Variants in MTUS2 observed in about 807,000 individuals in gnomAD.
MTUS2 encodes the protein microtubule associated scaffold protein 2.
Under a neutral mutation model 114.1 loss-of-function variants are expected in MTUS2, and 40 were observed. That is an observed-to-expected ratio of 0.35 (90% CI 0.27 to 0.46). The LOEUF (loss-of-function observed/expected upper bound fraction) is 0.46, where lower values mean the gene tolerates loss of function less well. Ranked by LOEUF, MTUS2 falls within the 20% of genes least tolerant of loss-of-function variation. MTUS2 has a pLI of 1.00. For synonymous variants in MTUS2, 688 were observed against 672.0 expected (o/e 1.02, Z -0.37); for missense variants, 1,679 against 1,705.4 (o/e 0.98, Z 0.27).
intron 2 of MTUS2, among the ~76,000 whole-genome samples, chr13:28,887,374 C>A (rs1406604308): frequency 6.6e-6 from 1 of 152,152 alleles, no homozygotes; most frequent in Non-Finnish European, 1.5e-5. Flanking sequence ...TGTCTCTGAC[C>A]ACAGCTGCCC....
chr13:29,130,882 C>G (rs140559228), intron 5 of MTUS2, among the ~76,000 whole-genome samples: 168 of 152,302 alleles, frequency 1.1e-3, no homozygotes, highest in Middle Eastern at 3.4e-3. Context: ...CCTCAGCCCC[C>G]CAAAGTACTG....
intron 2 of MTUS2, among the ~76,000 whole-genome samples, chr13:28,934,496 AT>A (rs1431919212): frequency 6.6e-6 from 1 of 152,098 alleles, no homozygotes; most frequent in Non-Finnish European, 1.5e-5. Flanking sequence ...TCAGAATGAT[AT>A]GCTTTTTTAA....
intron 5 of MTUS2, among the ~76,000 whole-genome samples, chr13:29,228,853 T>C (rs533101591): frequency 6.6e-6 from 1 of 152,276 alleles, no homozygotes; most frequent in Admixed American, 6.5e-5. Flanking sequence ...TCTTGTAAAA[T>C]TGAAAAAATG....
intron 6 of MTUS2, chr13:29,307,297 C>T (rs1286659175): frequency 3.0e-6 from 2 of 667,172 alleles, no homozygotes; most frequent in African/African-American, 1.8e-5. Flanking sequence ...CATGGAAGGA[C>T]TCATGACCAC....
chr13:29,473,427 A>C (rs78416006), intron 9 of MTUS2, among the ~76,000 whole-genome samples: 1 of 152,058 alleles, frequency 6.6e-6, no homozygotes, highest in South Asian at 2.1e-4. Context: ...GTGTTCTCCT[A>C]CTCAATTTAT....
At chr13:28,915,209 T>C (rs1248099969) in intron 2 of MTUS2, among the ~76,000 whole-genome samples, 4 of 151,972 alleles carry the variant, frequency 2.6e-5, no homozygotes, top group African/African-American at 9.6e-5. Context: ...GATGGACACT[T>C]AGGTTACTTC....
chr13:29,051,860 A>G (rs1041145774), intron 4 of MTUS2, among the ~76,000 whole-genome samples: 2 of 152,220 alleles, frequency 1.3e-5, no homozygotes, highest in African/African-American at 4.8e-5. Context: ...CTTATGAAAT[A>G]TAAGGGGCAA....
intron 9 of MTUS2, among the ~76,000 whole-genome samples, chr13:29,472,602 GA>G (rs1566221070): frequency 6.6e-6 from 1 of 152,150 alleles, no homozygotes; most frequent in Non-Finnish European, 1.5e-5. Context: ...CACCAAAAAA[GA>G]AAAACTACAC....
chr13:29,137,783 ATTTTTTTT>A (rs11288473), intron 5 of MTUS2, among the ~76,000 whole-genome samples: 1 of 144,522 alleles, frequency 6.9e-6, no homozygotes. Context: ...TGCCTGGTTA[ATTTTTTTT>A]TTTTTTTTGT....
At chr13:29,477,443 G>A (rs897045460) in intron 9 of MTUS2, among the ~76,000 whole-genome samples, 1 of 152,090 alleles carries the variant, frequency 6.6e-6, no homozygotes, top group African/African-American at 2.4e-5. Context: ...AAGTAAGCTG[G>A]GGTCACAGAA....
chr13:29,191,059 C>T (rs1220560870), intron 5 of MTUS2, among the ~76,000 whole-genome samples: 4 of 151,966 alleles, frequency 2.6e-5, no homozygotes, highest in African/African-American at 9.7e-5. Flanking sequence ...TGAGGGAAGC[C>T]CAGGAGGTTT....
At chr13:29,309,643 CAT>C (rs59419795) in intron 6 of MTUS2, among the ~76,000 whole-genome samples, 15,434 of 152,122 alleles carry the variant, frequency 0.1, 1,102 homozygotes, top group African/African-American at 0.2. Context: ...TAGATTTCAA[CAT>C]GTGAATTTTT....
chr13:28,829,388 C>G (rs540964412), intron 1 of MTUS2, among the ~76,000 whole-genome samples: 43 of 152,090 alleles, frequency 2.8e-4, no homozygotes, highest in Middle Eastern at 3.4e-3. Flanking sequence ...AAAAATTAGC[C>G]AGGCATGGTG....
At chr13:29,130,016 G>C (rs113836489) in intron 5 of MTUS2, among the ~76,000 whole-genome samples, 3,649 of 152,156 alleles carry the variant, frequency 0.024, 145 homozygotes, top group African/African-American at 0.083. Flanking sequence ...CACCCTTTGT[G>C]TTTTCAGAGT....
At chr13:29,223,918 G>T (rs372722386) in intron 5 of MTUS2, among the ~76,000 whole-genome samples, 4 of 152,326 alleles carry the variant, frequency 2.6e-5, no homozygotes, top group East Asian at 3.9e-4. Context: ...GGTACATCTG[G>T]TCCAACCACA....
intron 2 of MTUS2, among the ~76,000 whole-genome samples, chr13:28,902,468 G>A (rs562166581): frequency 1.3e-5 from 2 of 151,972 alleles, no homozygotes; most frequent in Non-Finnish European, 1.5e-5. Context: ...TAGGTTTTTT[G>A]TAGGTACTCA....
intron 5 of MTUS2, among the ~76,000 whole-genome samples, chr13:29,184,005 C>T (rs757256882): frequency 3.9e-5 from 6 of 152,154 alleles, no homozygotes; most frequent in Admixed American, 6.6e-5. Flanking sequence ...CTAGATTCAA[C>T]AATTAACATT....
intron 2 of MTUS2, among the ~76,000 whole-genome samples, chr13:28,969,596 G>A (rs1271200709): frequency 2.0e-5 from 3 of 151,902 alleles, no homozygotes; most frequent in African/African-American, 4.8e-5. Context: ...TCCGCCTCCC[G>A]GGTTCAAGCC....
intron 14 of MTUS2, among the ~76,000 whole-genome samples, chr13:29,499,344 G>GTCCCA (rs1303472684): frequency 4.3e-4 from 66 of 152,236 alleles, no homozygotes; most frequent in Admixed American, 2.1e-3. Flanking sequence ...AGTGTGCAAA[G>GTCCCA]GGAGTGGAGG....
Sources: gnomAD v4.1 joint callset for allele counts (sites outside exome capture counted in the v4.1 genomes callset) on GRCh38, gnomAD v4.1.1 for gene constraint, MANE v1.5 for transcripts, NCBI Gene and HGNC (gene_info 2026-07-23, HGNC 2026-07-21) for gene names.